GALNTL5: variants seen among roughly 807,000 people sequenced by gnomAD.
GALNTL5 encodes polypeptide N-acetylgalactosaminyltransferase like 5.
In GALNTL5, 44 loss-of-function variants were observed where a neutral mutation model predicts 51.0. The ratio of observed to expected loss-of-function variants is 0.86; its 90% CI spans 0.68 to 1.11. The LOEUF (loss-of-function observed/expected upper bound fraction) is 1.11. GALNTL5 is among the 50% of genes least tolerant of loss of function. The pLI is 0.00. For synonymous variants in GALNTL5, 192 were observed against 182.8 expected (o/e 1.05, Z -0.41); for missense variants, 528 against 531.8 (o/e 0.99, Z 0.07).
chr7:152,007,522 G>A (rs1029243051), intron 6 of GALNTL5, among the ~76,000 whole-genome samples: 23 of 148,364 alleles, frequency 1.6e-4, no homozygotes, highest in African/African-American at 5.0e-4. Context: ...AGGTACAAGC[G>A]ATTCTCCTGC....
At chr7:152,006,166 T>C (rs982683912) in intron 6 of GALNTL5, among the ~76,000 whole-genome samples, 3 of 151,954 alleles carry the variant, frequency 2.0e-5, no homozygotes, top group Non-Finnish European at 4.4e-5. Flanking sequence ...AAGAGAAGGG[T>C]GTGGCCAGCA....
At chr7:152,016,625 GA>G (rs1303686920) in intron 8 of GALNTL5, among the ~76,000 whole-genome samples, 17 of 152,154 alleles carry the variant, frequency 1.1e-4, no homozygotes, top group Non-Finnish European at 1.5e-5. Flanking sequence ...ACATGAACAA[GA>G]AAACTAATAA....
rs963629918 is a variant in GALNTL5, at chr7:151,967,468, T to C, written c.222T>C (p.Asp74=). ...PKPHVIVKRT[D]EDKAKSMLGT... ...CTCATGTAATAGTCAAAAGGACTGA[T>C]GAAGATAAAGCAAAGTCTATGTTAG... The change falls in exon 2 of 9, where the codon GAT becomes GAC. Residue 74 remains aspartate (D), a synonymous_variant. Coordinates refer to ENST00000392800, the MANE Select transcript of GALNTL5 (RefSeq NM_145292.4). The C allele has an allele frequency of 3.7e-6, 6 of 1,613,794 alleles. No homozygotes were observed. Among genetic ancestry groups the C allele is most frequent in the Non-Finnish European group, 5.1e-6 (6 of 1,179,882 alleles).
In GALNTL5 at chr7:151,991,654, T is replaced by C. The variant is rs191963495; in HGVS notation, c.658+4373T>C. ...CCAGCATCTCTCTTCTGCTCTATGA[T>C]GGTATTTTTGTATTTCTAGGCTAAT... On this transcript the variant is annotated intron_variant, in intron 5 of 8. Coordinates refer to ENST00000392800, the MANE Select transcript of GALNTL5 (RefSeq NM_145292.4). Among the ~76,000 whole-genome samples, 3 of 152,310 alleles carry C rather than the reference T, an allele frequency of 2.0e-5. No individual in the cohort carries two copies. The East Asian group carries it at 5.8e-4, about 29-fold the overall frequency.
At chr7:152,005,993 A>G (rs914322670) in intron 6 of GALNTL5, among the ~76,000 whole-genome samples, 3 of 152,116 alleles carry the variant, frequency 2.0e-5, no homozygotes, top group Admixed American at 1.3e-4. Flanking sequence ...TATGTGGGTG[A>G]GTGGAGAAGT....
intron 3 of GALNTL5, among the ~76,000 whole-genome samples, chr7:151,980,782 G>T (rs937040546): frequency 9.0e-6 from 1 of 110,514 alleles, no homozygotes; most frequent in Non-Finnish European, 1.7e-5. Flanking sequence ...GTCTCGCTCT[G>T]TCGCCCAGGC....
chr7:151,993,107 A>T (rs1296269648), intron 5 of GALNTL5, among the ~76,000 whole-genome samples: 1 of 152,068 alleles, frequency 6.6e-6, no homozygotes, highest in East Asian at 1.9e-4. Flanking sequence ...GTATGGTGGC[A>T]CATGCATCCA....
intron 4 of GALNTL5, among the ~76,000 whole-genome samples, chr7:151,985,247 A>G (rs1173874904): frequency 6.6e-6 from 1 of 152,148 alleles, no homozygotes; most frequent in Admixed American, 6.5e-5. Flanking sequence ...AGATCTGTCA[A>G]CGTTCTCATA....
intron 4 of GALNTL5, among the ~76,000 whole-genome samples, chr7:151,984,443 G>A (rs1244142831): frequency 6.6e-6 from 1 of 152,214 alleles, no homozygotes; most frequent in Non-Finnish European, 1.5e-5. Context: ...GCAGTAGGAA[G>A]AACAGGCAGA....
chr7:152,002,244 C>T (rs1438136546), intron 5 of GALNTL5, among the ~76,000 whole-genome samples: 1 of 151,702 alleles, frequency 6.6e-6, no homozygotes, highest in African/African-American at 2.4e-5. Context: ...CATGCCACTG[C>T]ACTCCAGCCT....
intron 8 of GALNTL5, 24 bp from the exon 9 acceptor site, chr7:152,019,622 G>T (rs775394274): frequency 6.3e-7 from 1 of 1,599,596 alleles, no homozygotes; most frequent in Non-Finnish European, 8.6e-7. Context: ...TGAACGTAAC[G>T]ACTGACTCTA....
At chr7:151,993,473 G>T (rs1246845019) in intron 5 of GALNTL5, among the ~76,000 whole-genome samples, 2 of 151,878 alleles carry the variant, frequency 1.3e-5, no homozygotes, top group African/African-American at 4.8e-5. Flanking sequence ...TTTTTTTTAG[G>T]AGTGATTTTG....
chr7:151,972,783 G>A (rs753842677), intron 3 of GALNTL5, among the ~76,000 whole-genome samples: 15 of 152,194 alleles, frequency 9.9e-5, no homozygotes, highest in Non-Finnish European at 1.6e-4. Context: ...AGAATTCAGA[G>A]GATATATGGA....
intron 5 of GALNTL5, among the ~76,000 whole-genome samples, chr7:151,996,744 A>G (rs1263822402): frequency 6.6e-6 from 1 of 151,938 alleles, no homozygotes; most frequent in Non-Finnish European, 1.5e-5. Context: ...TCACAACCTC[A>G]TCTCACAAAA....
At chr7:151,959,793 A>T (rs957742746) in intron 1 of GALNTL5, among the ~76,000 whole-genome samples, 2 of 152,152 alleles carry the variant, frequency 1.3e-5, no homozygotes, top group East Asian at 1.9e-4. Flanking sequence ...ACTGGGGGGA[A>T]GGTCCTGAGG....
chr7:152,008,086 G>A, intron 7 of GALNTL5, 142 bp downstream of exon 7: 1 of 582,128 alleles, frequency 1.7e-6, no homozygotes, highest in Admixed American at 3.2e-5. Flanking sequence ...CAATTTATGG[G>A]GCTCCTTGTA....
At chr7:152,001,680 T>C (rs2081582311) in intron 5 of GALNTL5, among the ~76,000 whole-genome samples, 1 of 152,192 alleles carries the variant, frequency 6.6e-6, no homozygotes, top group East Asian at 1.9e-4. Context: ...TCAACCTTAT[T>C]TTTCTTTTTC....
At position 152,019,883 on chromosome 7, in the gene GALNTL5, G is replaced by A. The variant is rs574895488; in HGVS notation, c.*82G>A. The A allele has an allele frequency of 8.5e-7, 1 of 1,171,638 alleles. No homozygotes were observed. Among genetic ancestry groups the A allele is most frequent in the East Asian group, 2.5e-5 (1 of 39,748 alleles). 72.6% of individuals were successfully genotyped at this position (1,171,638 alleles called of 1,614,324 possible). On this transcript the variant is annotated 3_prime_UTR_variant, in exon 9 of 9. Coordinates refer to ENST00000392800, the MANE Select transcript of GALNTL5 (RefSeq NM_145292.4). ...ATAGTGTCACAAGAGTGTAAGTTTG[G>A]AACATCGTGGAATTACGTGAAATGC...
At chr7:151,958,203 A>G (rs2080948825) in intron 1 of GALNTL5, among the ~76,000 whole-genome samples, 1 of 152,056 alleles carries the variant, frequency 6.6e-6, no homozygotes, top group East Asian at 1.9e-4. Flanking sequence ...CTCTAGGCTC[A>G]CCTCTGGGCT....
Sources: gnomAD v4.1 joint callset for allele counts (sites outside exome capture counted in the v4.1 genomes callset) on GRCh38, gnomAD v4.1.1 for gene constraint, MANE v1.5 for transcripts, NCBI Gene and HGNC (gene_info 2026-07-23, HGNC 2026-07-21) for gene names.